Variants in ANLN observed in about 807,000 individuals in gnomAD.
ANLN encodes anillin.
ANLN carries 59 observed loss-of-function variants against 135.1 expected under a neutral mutation model. The observed-to-expected ratio is 0.44, with a 90% CI of 0.35 to 0.54. The LOEUF is 0.54. ANLN is among the 20% of genes least tolerant of loss of function. The probability of loss-of-function intolerance (pLI) is 0.00; values close to 1 mark genes in which losing one functional copy is unlikely to be tolerated. For synonymous variants in ANLN, 406 were observed against 456.4 expected, an observed-to-expected ratio of 0.89 and a Z score of 1.41; for missense variants, 1,182 against 1,340.0, an observed-to-expected ratio of 0.88 and a Z score of 1.84.
intron 7 of ANLN, among the ~76,000 whole-genome samples, chr7:36,413,535 C>G (rs1422396433): frequency 6.6e-6 from 1 of 152,188 alleles, no homozygotes; most frequent in Non-Finnish European, 1.5e-5. Flanking sequence ...CTATTTTGTA[C>G]TAAATAATTC....
chr7:36,428,053 T>C (rs927061871), intron 20 of ANLN, among the ~76,000 whole-genome samples: 2 of 152,208 alleles, frequency 1.3e-5, no homozygotes, highest in African/African-American at 4.8e-5. Context: ...ACCTCATCTC[T>C]CTAGGGTCTT....
Position 36,390,311 on chromosome 7 carries a change from G to A in ANLN, c.18+267G>A. 5.6e-6 allele frequency: 3 copies of A among 534,778 alleles called. No individual in the cohort carries two copies. The East Asian group carries it at 9.2e-5, about 16-fold the overall frequency. The allele number at this position is 534,778 out of a possible 1,614,324, so 33.1% of individuals were successfully genotyped here. ...AAAGGCTGTTGCGAGAGGTCTTTCA[G>A]CCCCCGTTTTTACCATGTCCCTCTG... On this transcript the variant is annotated intron_variant, in intron 1 of 23. Coordinates refer to ENST00000265748, the MANE Select transcript of ANLN (RefSeq NM_018685.5).
At chr7:36,417,032 T>C in intron 8 of ANLN, 48 bp from the exon 9 acceptor site, 1 of 987,962 alleles carries the variant, frequency 1.0e-6, no homozygotes, top group Non-Finnish European at 1.5e-6. Context: ...AATTAGAAAA[T>C]TATAGGTTCT....
chr7:36,395,466 A>T (rs188787160), intron 1 of ANLN, among the ~76,000 whole-genome samples: 3 of 152,252 alleles, frequency 2.0e-5, no homozygotes, highest in Non-Finnish European at 4.4e-5. Context: ...CTTTGTGATT[A>T]TGTTGGGCCT....
At chr7:36,447,574 G>A (rs1051488514) in intron 22 of ANLN, among the ~76,000 whole-genome samples, 2 of 151,888 alleles carry the variant, frequency 1.3e-5, no homozygotes, top group South Asian at 2.1e-4. Flanking sequence ...ACAGGTGCCC[G>A]CCACCATTCC....
At chr7:36,404,189 C>T (rs980495265) in intron 3 of ANLN, among the ~76,000 whole-genome samples, 6 of 150,960 alleles carry the variant, frequency 4.0e-5, no homozygotes, top group African/African-American at 9.7e-5. Context: ...AGGCTGGTCT[C>T]GAACTCCTGA....
chr7:36,392,813 G>A (rs1171354822), intron 1 of ANLN, among the ~76,000 whole-genome samples: 1 of 151,626 alleles, frequency 6.6e-6, no homozygotes, highest in Non-Finnish European at 1.5e-5. Flanking sequence ...ATATACGTTT[G>A]AATGACAAAA....
chr7:36,394,785 A>G (rs1786629778), intron 1 of ANLN, among the ~76,000 whole-genome samples: 1 of 152,220 alleles, frequency 6.6e-6, no homozygotes, highest in Non-Finnish European at 1.5e-5. Flanking sequence ...GTATCTGAGT[A>G]TGCAAGGCAG....
At chr7:36,410,131 T>C (rs1198223811) in intron 5 of ANLN, among the ~76,000 whole-genome samples, 1 of 152,202 alleles carries the variant, frequency 6.6e-6, no homozygotes, top group Non-Finnish European at 1.5e-5. Flanking sequence ...ATATGTAAGT[T>C]GTTGGAAGTT....
chr7:36,447,289 T>C (rs1018626047), intron 22 of ANLN, among the ~76,000 whole-genome samples: 1 of 152,166 alleles, frequency 6.6e-6, no homozygotes, highest in Non-Finnish European at 1.5e-5. Flanking sequence ...AGTTGAAGAC[T>C]TTCACCTTTT....
At chr7:36,433,620 C>A (rs1309187769) in intron 20 of ANLN, among the ~76,000 whole-genome samples, 1 of 152,170 alleles carries the variant, frequency 6.6e-6, no homozygotes, top group Admixed American at 6.5e-5. Flanking sequence ...AAAGTTATTT[C>A]TTCTGCCCTG....
At chr7:36,448,128 C>T (rs1436373718) in intron 22 of ANLN, among the ~76,000 whole-genome samples, 1 of 152,150 alleles carries the variant, frequency 6.6e-6, no homozygotes, top group African/African-American at 2.4e-5. Context: ...GATTCTCTGC[C>T]TCAGCCTCCC....
At chr7:36,420,065 A>G (rs1233460005) in intron 10 of ANLN, 104 bp from the exon 11 acceptor site, 3 of 1,114,720 alleles carry the variant, frequency 2.7e-6, no homozygotes, top group Non-Finnish European at 2.5e-6. Flanking sequence ...CAATCAGCTT[A>G]CTGGATTTTT....
At chr7:36,420,341 C>T (rs1787822985) in intron 11 of ANLN, 27 bp downstream of exon 11, 1 of 1,611,244 alleles carries the variant, frequency 6.2e-7, no homozygotes, top group African/African-American at 1.3e-5. Flanking sequence ...AAGGCATTCA[C>T]TCACTAAGGG....
intron 23 of ANLN, among the ~76,000 whole-genome samples, chr7:36,450,695 C>A (rs1029486415): frequency 2.6e-5 from 4 of 152,052 alleles, no homozygotes; most frequent in Admixed American, 1.3e-4. Flanking sequence ...ATTTCAGGGG[C>A]CTTCTATGCA....
rs182794031 is a variant in ANLN, at chr7:36,443,757, C to G, written c.2973C>G (p.Thr991=). The G allele has an allele frequency of 1.9e-6, 3 of 1,607,892 alleles. No individual in the cohort carries two copies. The highest frequency in any genetic ancestry group is 4.5e-5 in the East Asian group (2 of 44,820). The change falls in exon 22 of 24, where the codon ACC becomes ACG. Residue 991 remains threonine, a splice_region_variant and synonymous_variant. Coordinates refer to ENST00000265748, the MANE Select transcript of ANLN (RefSeq NM_018685.5). The stretch of plus-strand genomic sequence containing the variant: ...AGCATTTCAACTGACTTTTCCAGAC[C>G]ATATTTGAAGATGTTAGTGGTTTTG... ...NSSVEERGFL[T]IFEDVSGFGA... is the part of the protein sequence containing the mutation.
At chr7:36,410,407 A>T in intron 5 of ANLN, 107 bp from the exon 6 acceptor site, 1 of 966,784 alleles carries the variant, frequency 1.0e-6, no homozygotes, top group Non-Finnish European at 1.5e-6. Context: ...TATTCCTGAT[A>T]GAATCAAAGC....
Position 36,420,262 on chromosome 7 carries a change from C to T in ANLN, c.1963C>T (p.Arg655Ter), listed in dbSNP as rs1301425931. The T allele has an allele frequency of 2.5e-6, 4 of 1,613,934 alleles. No individual in the cohort carries two copies. The highest frequency in any genetic ancestry group is 1.1e-5 in the South Asian group (1 of 91,078). Residue 655 changes from arginine to a stop codon, truncating the protein, a stop_gained, in exon 11 of 24, where the codon CGA becomes TGA. Coordinates refer to ENST00000265748, the MANE Select transcript of ANLN (RefSeq NM_018685.5). LOFTEE classifies it high-confidence loss of function. The part of the protein sequence containing the change: ...PGKFQRTRVP[R>*]AESGDSLGSE... ...AAAATTCCAAAGAACTCGTGTCCCT[C>T]GAGCTGAATCTGGTGATAGCCTTGG...
At chr7:36,444,469 G>A (rs1260484190) in intron 22 of ANLN, among the ~76,000 whole-genome samples, 2 of 151,784 alleles carry the variant, frequency 1.3e-5, no homozygotes, top group Admixed American at 6.6e-5. Context: ...ATTTGAAGTT[G>A]GAAATGTTTT....
Sources: gnomAD v4.1 joint callset for allele counts (sites outside exome capture counted in the v4.1 genomes callset) on GRCh38, gnomAD v4.1.1 for gene constraint, MANE v1.5 for transcripts, NCBI Gene and HGNC (gene_info 2026-07-23, HGNC 2026-07-21) for gene names.